PRPF18: variants seen among roughly 807,000 people sequenced by gnomAD.
PRPF18 encodes pre-mRNA-splicing factor 18.
Under a neutral mutation model 46.5 loss-of-function variants are expected in PRPF18, and 38 were observed. The ratio of observed to expected loss-of-function variants is 0.82; its 90% CI spans 0.63 to 1.07. The LOEUF (loss-of-function observed/expected upper bound fraction) is 1.07. Ranked by LOEUF, PRPF18 falls within the 50% of genes least tolerant of loss-of-function variation. PRPF18 has a pLI of 0.00. For synonymous variants in PRPF18, 152 were observed against 146.7 expected (o/e 1.04, Z -0.26); for missense variants, 263 against 410.0 (o/e 0.64, Z 3.10).
intron 9 of PRPF18, among the ~76,000 whole-genome samples, chr10:13,629,023 CAAGGATTCTGAA>C (rs1341135581): frequency 1.3e-5 from 2 of 152,130 alleles, no homozygotes; most frequent in Admixed American, 6.5e-5. Flanking sequence ...AAATGTCGAC[CAAGGATTCTGAA>C]AGATCACAGA....
chr10:13,634,633 T>C (rs2134148086), downstream of PRPF18, among the ~76,000 whole-genome samples: 1 of 152,332 alleles, frequency 6.6e-6, no homozygotes, highest in African/African-American at 2.4e-5. Flanking sequence ...GAAGTAGAAG[T>C]GTAAAAGCTG....
intron 9 of PRPF18, among the ~76,000 whole-genome samples, chr10:13,626,410 T>C (rs1481160718): frequency 5.9e-5 from 9 of 152,220 alleles, no homozygotes; most frequent in Admixed American, 5.2e-4. Context: ...AAAAAACTTA[T>C]GAGAGGTCAT....
chr10:13,596,684 A>G (rs1446934892), intron 1 of PRPF18, among the ~76,000 whole-genome samples: 1 of 152,196 alleles, frequency 6.6e-6, no homozygotes, highest in Non-Finnish European at 1.5e-5. Context: ...TGTGGAAAGG[A>G]CTGACATCTT....
chr10:13,629,995 T>C (rs1278272810), intron 9 of PRPF18, among the ~76,000 whole-genome samples: 2 of 152,246 alleles, frequency 1.3e-5, no homozygotes, highest in Non-Finnish European at 2.9e-5. Context: ...ACACTAAAGT[T>C]TTTTTCATAT....
intron 9 of PRPF18, among the ~76,000 whole-genome samples, chr10:13,628,622 C>G (rs561690182): frequency 2.0e-5 from 3 of 152,020 alleles, no homozygotes; most frequent in African/African-American, 7.2e-5. Flanking sequence ...GGACACATAA[C>G]CCATGGATAC....
intron 3 of PRPF18, among the ~76,000 whole-genome samples, chr10:13,603,036 ATTTAC>A (rs1468502310): frequency 6.6e-6 from 1 of 152,248 alleles, no homozygotes; most frequent in East Asian, 1.9e-4. Flanking sequence ...CTGGCCTAGA[ATTTAC>A]TTTATCTTTA....
rs1015412830 is a variant in PRPF18, at chr10:13,623,486, G to A, written c.949-6774G>A. Among the ~76,000 whole-genome samples, 4 of 152,044 alleles carry A rather than the reference G, an allele frequency of 2.6e-5. No homozygotes were observed. The East Asian group carries it at 5.8e-4, about 22-fold the overall frequency. ...CTCATCTTGTTTTTTTATTCTTCACGTTCTTAGGATGTACCACTAAATGGA... is the reference window on the plus strand; with the variant it reads ...CTCATCTTGTTTTTTTATTCTTCACATTCTTAGGATGTACCACTAAATGGA... On this transcript the variant is annotated intron_variant, in intron 9 of 9. Coordinates refer to ENST00000378572, the MANE Select transcript of PRPF18 (RefSeq NM_003675.4).
chr10:13,623,928 TACATA>T, intron 9 of PRPF18, among the ~76,000 whole-genome samples: 1 of 152,356 alleles, frequency 6.6e-6, no homozygotes, highest in East Asian at 1.9e-4. Context: ...AATTGTGACA[TACATA>T]ACATAAAATT....
At chr10:13,597,702 A>G in intron 2 of PRPF18, 167 bp downstream of exon 2, 1 of 1,573,900 alleles carries the variant, frequency 6.4e-7, no homozygotes, top group Non-Finnish European at 8.7e-7. Flanking sequence ...ATTTTTAAAA[A>G]AATCTTGAAT....
At chr10:13,607,733 T>C (rs1193459329) in intron 4 of PRPF18, among the ~76,000 whole-genome samples, 1 of 152,218 alleles carries the variant, frequency 6.6e-6, no homozygotes. Context: ...TTTCCTTTTA[T>C]GGTCATTGCT....
chr10:13,652,241 A>C, the PRPF18 span: 1 of 507,042 alleles, frequency 2.0e-6, no homozygotes, highest in Non-Finnish European at 3.5e-6. Flanking sequence ...TTATGCCAAG[A>C]ACCAAAATTG....
intron 2 of PRPF18, among the ~76,000 whole-genome samples, chr10:13,598,192 G>T (rs1333450143): frequency 6.6e-6 from 1 of 152,110 alleles, no homozygotes; most frequent in African/African-American, 2.4e-5. Flanking sequence ...TATTTTAGAA[G>T]AAATTAGTTG....
downstream of PRPF18, chr10:13,631,086 T>A (rs1175127349): frequency 6.6e-6 from 1 of 151,220 alleles, no homozygotes; most frequent in Non-Finnish European, 1.5e-5. Context: ...CCAGGGAGAG[T>A]GGGGAAATTG....
intron 1 of PRPF18, among the ~76,000 whole-genome samples, chr10:13,590,461 A>G (rs2079943516): frequency 6.8e-6 from 1 of 147,506 alleles, no homozygotes; most frequent in African/African-American, 2.5e-5. Flanking sequence ...AAATATATAT[A>G]TATATATATA....
intron 9 of PRPF18, among the ~76,000 whole-genome samples, chr10:13,625,376 A>T (rs1483344846): frequency 6.6e-6 from 1 of 152,194 alleles, no homozygotes; most frequent in East Asian, 1.9e-4. Context: ...ATTAGGCTAT[A>T]AAAAAGTTTG....
At chr10:13,604,329 T>C (rs2080155333) in intron 3 of PRPF18, among the ~76,000 whole-genome samples, 1 of 152,238 alleles carries the variant, frequency 6.6e-6, no homozygotes, top group African/African-American at 2.4e-5. Context: ...TTTATTACGT[T>C]TTCTGTTTCT....
chr10:13,614,347 G>C (rs984734728), intron 8 of PRPF18, among the ~76,000 whole-genome samples: 3 of 152,172 alleles, frequency 2.0e-5, no homozygotes, highest in Admixed American at 6.5e-5. Flanking sequence ...AGGTTCTTCA[G>C]AGCATGAACT....
At chr10:13,603,647 T>C (rs1314102229) in intron 3 of PRPF18, among the ~76,000 whole-genome samples, 1 of 152,238 alleles carries the variant, frequency 6.6e-6, no homozygotes, top group Non-Finnish European at 1.5e-5. Context: ...CAGTAGTCTC[T>C]TCCTGTTCGA....
At position 13,587,043 on chromosome 10, in the gene PRPF18, G is replaced by T. The variant is rs754144647; in HGVS notation, c.-44G>T. 6.3e-7 allele frequency: 1 copy of T among 1,599,228 alleles called. No homozygotes were observed. Among genetic ancestry groups the T allele is most frequent in the Non-Finnish European group, 8.6e-7 (1 of 1,166,470 alleles). On this transcript the variant is annotated 5_prime_UTR_variant, in exon 1 of 10. Coordinates refer to ENST00000378572, the MANE Select transcript of PRPF18 (RefSeq NM_003675.4). ...CCGCCGGCCCAGTGAGGCTGGGTTC[G>T]AGGAGCTGGAGCGGGAAACTGGAGC...
Sources: gnomAD v4.1 joint callset for allele counts (sites outside exome capture counted in the v4.1 genomes callset) on GRCh38, gnomAD v4.1.1 for gene constraint, MANE v1.5 for transcripts, NCBI Gene and HGNC (gene_info 2026-07-23, HGNC 2026-07-21) for gene names.